RP1L1: variants seen among roughly 807,000 people sequenced by gnomAD.
RP1L1 encodes the protein RP1 like 1.
A neutral mutation model predicts 15.7 loss-of-function variants in RP1L1; 27 were observed. The observed-to-expected ratio is 1.72, with a 90% CI of 1.27 to 2.38. The LOEUF is 2.38. RP1L1 is among the 30% of genes most tolerant of loss of function. The pLI is 0.00. For synonymous variants in RP1L1, 1,813 were observed against 1,276.7 expected (o/e 1.42, Z -8.96); for missense variants, 4,798 against 3,075.9 (o/e 1.56, Z -13.24).
intron 1 of RP1L1, among the ~76,000 whole-genome samples, chr8:10,644,888 T>A (rs1798454061): frequency 6.6e-6 from 1 of 152,248 alleles, no homozygotes; most frequent in Non-Finnish European, 1.5e-5. Flanking sequence ...GGGCTGTTAT[T>A]ACCAATAACG....
chr8:10,651,096 G>A (rs1385401449), intron 1 of RP1L1, among the ~76,000 whole-genome samples: 3 of 152,192 alleles, frequency 2.0e-5, no homozygotes, highest in Admixed American at 1.3e-4. Context: ...TGATAAATCA[G>A]GAAGCAGGCT....
intron 1 of RP1L1, among the ~76,000 whole-genome samples, chr8:10,631,405 A>ATG (rs1563135498): frequency 5.2e-5 from 7 of 133,632 alleles, no homozygotes; most frequent in African/African-American, 1.9e-4. Context: ...ACGCACACAC[A>ATG]CGCACACACG....
At chr8:10,644,969 T>C (rs73539593) in intron 1 of RP1L1, among the ~76,000 whole-genome samples, 5,839 of 152,276 alleles carry the variant, frequency 0.038, 356 homozygotes, top group African/African-American at 0.13. Context: ...TTAGCACTAA[T>C]GACCATTTAT....
chr8:10,650,494 C>T (rs575981116), intron 1 of RP1L1, among the ~76,000 whole-genome samples: 2 of 151,962 alleles, frequency 1.3e-5, no homozygotes, highest in South Asian at 4.2e-4. Context: ...GCCATCCTGT[C>T]ACATTCGGGA....
chr8:10,648,076 G>C (rs1022260839), intron 1 of RP1L1, among the ~76,000 whole-genome samples: 1 of 151,572 alleles, frequency 6.6e-6, no homozygotes, highest in Non-Finnish European at 1.5e-5. Flanking sequence ...CCGTTGTCCA[G>C]GCTGGAGTGC....
At position 10,622,797 on chromosome 8, in the gene RP1L1, C is replaced by A. The variant is rs1430240865; in HGVS notation, c.405G>T (p.Gln135His). 7 of 1,613,938 alleles carry A rather than the reference C, an allele frequency of 4.3e-6. No individual in the cohort carries two copies. Among genetic ancestry groups the A allele is most frequent in the African/African-American group, 1.3e-5 (1 of 75,040 alleles). Residue 135 changes from glutamine (Q) to histidine (H), a missense_variant, in exon 2 of 4, where the codon CAG becomes CAT. Physicochemically the swap from Gln to His is conservative, Grantham distance 24. Transcript: ENST00000382483. ...AGGAGGAGGTGCCTGGGGCTTCACG[C>A]TGGCCTTCGACATCCCGCAACTGCT... The part of the protein sequence containing the change: ...TAQQLRDVEG[Q>H]REAPGTSSSR...
chr8:10,643,721 G>A (rs1053830286), intron 1 of RP1L1, among the ~76,000 whole-genome samples: 14 of 152,010 alleles, frequency 9.2e-5, no homozygotes, highest in African/African-American at 3.4e-4. Flanking sequence ...TCCTGGTGCT[G>A]CCAAAAACCT....
At chr8:10,631,461 G>A (rs575264091) in intron 1 of RP1L1, among the ~76,000 whole-genome samples, 1 of 152,162 alleles carries the variant, frequency 6.6e-6, no homozygotes, top group South Asian at 2.1e-4. Flanking sequence ...ACTATGGGTA[G>A]GGAGCACTTC....
Position 10,609,209 on chromosome 8 carries a change from G to T in RP1L1, c.4889C>A (p.Ser1630Tyr), listed in dbSNP as rs370433535. 1 of 1,610,612 alleles carries T rather than the reference G, an allele frequency of 6.2e-7. No individual in the cohort carries two copies. Residue 1630 changes from serine (S) to tyrosine (Y), a missense_variant, in exon 4 of 4, where the codon TCC becomes TAC. By Grantham distance (144) the Ser-to-Tyr change is moderately radical. Transcript: ENST00000382483. ...GGCTGGCTCGTCCTCCAGGGTGAAG[G>T]AGAGGGGCCCCAGGCCCAGGGTCCG... ...SERTLGLGPL[S>Y]FTLEDEPALS...
Position 10,608,887 on chromosome 8 carries a change from C to G in RP1L1, c.5211G>C (p.Gly1737=), listed in dbSNP as rs201594207. 2 of 1,613,900 alleles carry G rather than the reference C, an allele frequency of 1.2e-6. No homozygotes were observed. The highest frequency in any genetic ancestry group is 8.5e-7 in the Non-Finnish European group (1 of 1,180,048). ...EGGLGPGLSQ[G]PGVDEGEDGE... Reference sequence around the variant, plus strand: ...CATCCTCACCCTCGTCCACTCCAGGCCCCTGGCTCAGCCCCGGCCCCAGCC... The same window carrying G: ...CATCCTCACCCTCGTCCACTCCAGGGCCCTGGCTCAGCCCCGGCCCCAGCC... The change falls in exon 4 of 4, where the codon GGG becomes GGC. Residue 1737 remains glycine (G), a synonymous_variant. Coordinates refer to ENST00000382483, the MANE Select transcript of RP1L1 (RefSeq NM_178857.6).
chr8:10,612,789 G>A lies in RP1L1; in HGVS notation c.1309C>T (p.Leu437=), dbSNP rs1024776979. 2 of 1,610,684 alleles carry A rather than the reference G, an allele frequency of 1.2e-6. No individual in the cohort carries two copies. ...GLAQHVRCSG[L]WGHGTAGRER... is the part of the protein sequence containing the mutation. Reference sequence around the variant, plus strand: ...CTCCCGGCAGTCCCGTGGCCCCACAGGCCACTGCAGCGGACGTGCTGGGCC... The same window carrying A: ...CTCCCGGCAGTCCCGTGGCCCCACAAGCCACTGCAGCGGACGTGCTGGGCC... The change falls in exon 4 of 4, where the codon CTG becomes TTG. Residue 437 remains leucine (L), a synonymous_variant. Transcript: ENST00000382483.
intron 1 of RP1L1, among the ~76,000 whole-genome samples, chr8:10,624,954 T>C (rs1290803264): frequency 6.6e-6 from 1 of 152,120 alleles, no homozygotes; most frequent in African/African-American, 2.4e-5. Context: ...GTTTCTGAAT[T>C]AGGAAGAAGC....
At position 10,609,996 on chromosome 8, in the gene RP1L1, G is replaced by A. The variant is rs1268469555; in HGVS notation, c.4102C>T (p.Gln1368Ter). The A allele has an allele frequency of 6.3e-7, 1 of 1,598,888 alleles. No homozygotes were observed. Among genetic ancestry groups the A allele is most frequent in the East Asian group, 2.3e-5 (1 of 43,744 alleles). ...EIEETGGEGL[Q>*]EEGVQLEEVK... The stretch of plus-strand genomic sequence containing the variant: ...TCCTCTAACTGCACCCCCTCTTCTT[G>A]CAGCCCTTCTCCTCCTGTTTCTTCA... Residue 1368 changes from glutamine to a stop codon, truncating the protein, a stop_gained, in exon 4 of 4, where the codon CAA becomes TAA. Transcript: ENST00000382483. LOFTEE classifies it low-confidence loss of function (END_TRUNC).
rs759060554 is a variant in RP1L1 at position 10,607,257 on chromosome 8, G to A, written c.6841C>T (p.Pro2281Ser). The A allele has an allele frequency of 3.7e-6, 6 of 1,614,046 alleles. No individual in the cohort carries two copies. Among genetic ancestry groups the A allele is most frequent in the South Asian group, 2.2e-5 (2 of 91,092 alleles). The change falls in exon 4 of 4, where the codon CCT becomes TCT. Residue 2281 changes from proline (P) to serine (S), a missense_variant. Physicochemically the swap from Pro to Ser is moderately conservative, Grantham distance 74. Transcript: ENST00000382483. Reference protein sequence around the residue: ...PVPEDRPTPPPSPGGDTPHQR... With the variant: ...PVPEDRPTPPSSPGGDTPHQR... ...TGGGGAGTGTCTCCACCTGGGGAAG[G>A]GGGTGGAGTGGGCCTGTCCTCAGGG...
chr8:10,611,757 A>G lies in RP1L1; in HGVS notation c.2341T>C (p.Ser781Pro), dbSNP rs1585967274. ...CSPAPIPPHT[S>P]DSCSKSGAAS... ...GCCCCAGATTTTGAGCAGGAGTCGG[A>G]TGTGTGGGGAGGTATGGGGGCCGGC... Residue 781 changes from serine (S) to proline (P), a missense_variant, in exon 4 of 4, where the codon TCC becomes CCC. Ser to Pro is a moderately conservative substitution (Grantham distance 74). Coordinates refer to ENST00000382483, the MANE Select transcript of RP1L1 (RefSeq NM_178857.6). The G allele has an allele frequency of 1.2e-6, 2 of 1,613,498 alleles. No individual in the cohort carries two copies. Among genetic ancestry groups the G allele is most frequent in the Non-Finnish European group, 8.5e-7 (1 of 1,179,930 alleles).
intron 2 of RP1L1, among the ~76,000 whole-genome samples, chr8:10,617,188 T>C (rs1224215735): frequency 1.3e-5 from 2 of 151,994 alleles, no homozygotes; most frequent in African/African-American, 2.4e-5. Flanking sequence ...CCCTATGCAC[T>C]CCTGGGCTCA....
At position 10,609,957 on chromosome 8, in the gene RP1L1, G is replaced by A. The variant is rs765308081; in HGVS notation, c.4141C>T (p.Pro1381Ser). 1 of 1,592,972 alleles carries A rather than the reference G, an allele frequency of 6.3e-7. No homozygotes were observed. Among genetic ancestry groups the A allele is most frequent in the Non-Finnish European group, 8.6e-7 (1 of 1,167,882 alleles). Residue 1381 changes from proline (P) to serine (S), a missense_variant, in exon 4 of 4, where the codon CCA (proline) becomes TCA (serine). Coordinates refer to ENST00000382483, the MANE Select transcript of RP1L1 (RefSeq NM_178857.6). The stretch of plus-strand genomic sequence containing the variant: ...GCCTCTCCTTGCAGTCCTCCTTCTG[G>A]CCCTTCTTTAACTTCCTCTAACTGC... ...GVQLEEVKEG[P>S]EGGLQGEALE...
chr8:10,619,098 G>A (rs1798018023), intron 2 of RP1L1, among the ~76,000 whole-genome samples: 1 of 152,156 alleles, frequency 6.6e-6, no homozygotes. Flanking sequence ...TCAAACTCCT[G>A]ACCTCAAGTG....
intron 1 of RP1L1, among the ~76,000 whole-genome samples, chr8:10,641,545 T>A (rs998666045): frequency 2.0e-5 from 3 of 152,208 alleles, no homozygotes; most frequent in African/African-American, 7.2e-5. Context: ...ATTTTTACAG[T>A]GCTATTTTTA....
Sources: gnomAD v4.1 joint callset for allele counts (sites outside exome capture counted in the v4.1 genomes callset) on GRCh38, gnomAD v4.1.1 for gene constraint, MANE v1.5 for transcripts, NCBI Gene and HGNC (gene_info 2026-07-23, HGNC 2026-07-21) for gene names.